The following PPP2R2B variants were observed in gnomAD, a reference collection of about 807,000 sequenced individuals.
PPP2R2B encodes the protein protein phosphatase 2 regulatory subunit Bbeta.
PPP2R2B carries 5 observed loss-of-function variants against 46.0 expected under a neutral mutation model. That is an observed-to-expected ratio of 0.11 (90% CI 0.06 to 0.23). The LOEUF is 0.23. Ranked by LOEUF, PPP2R2B falls within the 10% of genes least tolerant of loss-of-function variation. The probability of loss-of-function intolerance (pLI) is 1.00; values close to 1 mark genes in which losing one functional copy is unlikely to be tolerated. For synonymous variants in PPP2R2B, 215 were observed against 206.7 expected (o/e 1.04, Z -0.34); for missense variants, 367 against 575.0 (o/e 0.64, Z 3.70).
chr5:146,891,608 C>G (rs569270147), intron 1 of PPP2R2B, among the ~76,000 whole-genome samples: 20 of 152,222 alleles, frequency 1.3e-4, no homozygotes, highest in Admixed American at 3.3e-4. Context: ...TATTACCTGC[C>G]TACTATGTGC....
chr5:146,604,812 ACT>A (rs1390408123), intron 7 of PPP2R2B, among the ~76,000 whole-genome samples: 2 of 151,918 alleles, frequency 1.3e-5, no homozygotes, highest in African/African-American at 4.8e-5. Context: ...TGGGCTCTTG[ACT>A]CTGCCCATCT....
chr5:146,779,802 G>A (rs1248664092), intron 2 of PPP2R2B, among the ~76,000 whole-genome samples: 7 of 152,094 alleles, frequency 4.6e-5, no homozygotes, highest in Non-Finnish European at 1.0e-4. Flanking sequence ...TCTGCATAAG[G>A]TAGGGTGTGC....
intron 1 of PPP2R2B, among the ~76,000 whole-genome samples, chr5:146,935,118 G>A (rs914357654): frequency 1.3e-5 from 2 of 152,184 alleles, no homozygotes; most frequent in East Asian, 3.9e-4. Flanking sequence ...ATCTATCTGT[G>A]CCTCTCAAAA....
At chr5:146,658,889 T>G (rs1279895043) in intron 5 of PPP2R2B, among the ~76,000 whole-genome samples, 2 of 152,234 alleles carry the variant, frequency 1.3e-5, no homozygotes, top group Non-Finnish European at 2.9e-5. Flanking sequence ...ATTCATCATT[T>G]GTCAGAATTA....
chr5:146,991,429 C>T (rs972376004), intron 1 of PPP2R2B, among the ~76,000 whole-genome samples: 16 of 151,870 alleles, frequency 1.1e-4, no homozygotes, highest in Non-Finnish European at 1.3e-4. Flanking sequence ...GGATGGGAGG[C>T]GGGAGAGGAG....
chr5:146,750,395 A>G (rs1402586692), intron 2 of PPP2R2B, among the ~76,000 whole-genome samples: 9 of 152,220 alleles, frequency 5.9e-5, no homozygotes, highest in Non-Finnish European at 1.3e-4. Context: ...AAGAATTAAC[A>G]TCTTTGCCTC....
In PPP2R2B at chr5:146,588,332, G is replaced by C. The variant is rs998004965; in HGVS notation, c.*1615C>G. 1 of 152,180 alleles carries C rather than the reference G, an allele frequency of 6.6e-6. No homozygotes were observed. Among genetic ancestry groups the C allele is most frequent in the Admixed American group, 6.5e-5 (1 of 15,280 alleles). The allele number at this position is 152,180 out of a possible 1,614,324, so 9.4% of individuals were successfully genotyped here. On this transcript the variant is annotated 3_prime_UTR_variant, in exon 10 of 10. Coordinates refer to ENST00000394411, the MANE Select transcript of PPP2R2B (RefSeq NM_181675.4). ...CTTGCCAAAAAGCTATTAGTAAATGGATAGTAGCTTAGAATTGAGATAAAA... is the reference window on the plus strand; with the variant it reads ...CTTGCCAAAAAGCTATTAGTAAATGCATAGTAGCTTAGAATTGAGATAAAA...
intron 5 of PPP2R2B, among the ~76,000 whole-genome samples, chr5:146,657,400 A>C (rs1776400941): frequency 6.6e-6 from 1 of 152,148 alleles, no homozygotes; most frequent in African/African-American, 2.4e-5. Context: ...GAAAAGAGAG[A>C]TGTCTGTCTG....
At chr5:146,884,872 G>T (rs1762272789) in intron 1 of PPP2R2B, among the ~76,000 whole-genome samples, 1 of 152,034 alleles carries the variant, frequency 6.6e-6, no homozygotes, top group Admixed American at 6.6e-5. Flanking sequence ...AATAACTATT[G>T]GGAAATGTCT....
upstream of PPP2R2B, among the ~76,000 whole-genome samples, chr5:147,058,103 T>A (rs1237329112): frequency 3.9e-5 from 6 of 152,200 alleles, no homozygotes; most frequent in East Asian, 1.2e-3. Flanking sequence ...CATCTTTATA[T>A]CCCTACTGCC....
At chr5:147,062,709 T>G (rs60563072) in intron 2 of PPP2R2B, among the ~76,000 whole-genome samples, 5,994 of 152,050 alleles carry the variant, frequency 0.039, 174 homozygotes, top group African/African-American at 0.078. Flanking sequence ...AGACTGACAC[T>G]AAGATTTTGT....
At position 146,705,080 on chromosome 5, in the gene PPP2R2B, C is replaced by G. The variant is rs568174053; in HGVS notation, c.71-3938G>C. ...GTCTACAGATGGAATATCTTACTGA[C>G]CAGGTCACTAGCACTGACCTCTCAA... is the stretch of plus-strand genomic sequence containing the variant. On this transcript the variant is annotated intron_variant, in intron 2 of 9. Transcript: ENST00000394411. 1.4e-4 allele frequency among the ~76,000 whole-genome samples: 22 copies of G among 152,250 alleles called. No individual in the cohort carries two copies. The East Asian group carries it at 4.2e-3, about 29-fold the overall frequency.
intron 1 of PPP2R2B, among the ~76,000 whole-genome samples, chr5:146,943,584 T>C (rs1000289565): frequency 3.9e-5 from 6 of 152,230 alleles, no homozygotes; most frequent in Non-Finnish European, 7.3e-5. Context: ...TTGGGCCTTT[T>C]GATTATCAGT....
intron 2 of PPP2R2B, among the ~76,000 whole-genome samples, chr5:146,842,019 A>G (rs1034562686): frequency 6.6e-6 from 1 of 152,172 alleles, no homozygotes; most frequent in Non-Finnish European, 1.5e-5. Flanking sequence ...AGAGGTGAGT[A>G]CTCTGAGACA....
rs374214183 is a variant in PPP2R2B at position 146,741,232 on chromosome 5, C to T, written c.71-40090G>A. Reference sequence around the variant, plus strand: ...AGGAAGGTTCTTGTCTAGCAGGCAACCCCCCTTTCTCCATGTACATATGTG... The same window carrying T: ...AGGAAGGTTCTTGTCTAGCAGGCAATCCCCCTTTCTCCATGTACATATGTG... On this transcript the variant is annotated intron_variant, in intron 2 of 9. Transcript: ENST00000394411. Among the ~76,000 whole-genome samples, 6 of 152,248 alleles carry T rather than the reference C, an allele frequency of 3.9e-5. No individual in the cohort carries two copies. The East Asian group carries it at 5.8e-4, about 15-fold the overall frequency.
At chr5:146,730,290 T>C (rs1294563919) in intron 2 of PPP2R2B, among the ~76,000 whole-genome samples, 2 of 152,206 alleles carry the variant, frequency 1.3e-5, no homozygotes, top group Admixed American at 6.5e-5. Context: ...CCCCATTGTA[T>C]CTAGGAAGTA....
intron 7 of PPP2R2B, among the ~76,000 whole-genome samples, chr5:146,621,894 C>T (rs917130854): frequency 4.6e-5 from 7 of 152,184 alleles, no homozygotes; most frequent in Non-Finnish European, 7.3e-5. Flanking sequence ...CCTCATTTTG[C>T]ACTTGGTTAG....
At chr5:146,785,244 G>A (rs1755763038) in intron 2 of PPP2R2B, among the ~76,000 whole-genome samples, 1 of 152,038 alleles carries the variant, frequency 6.6e-6, no homozygotes, top group African/African-American at 2.4e-5. Flanking sequence ...TGACACAGTG[G>A]GAAGTCAAGA....
rs1770038695 is a variant in PPP2R2B at position 146,584,429 on chromosome 5, T to A, written c.*5518A>T. ...TATTTAGTCACAGAGAAATGGCGTGTTTGTGAGTATCCACGCTAGGGAAAA... is the reference window on the plus strand; with the variant it reads ...TATTTAGTCACAGAGAAATGGCGTGATTGTGAGTATCCACGCTAGGGAAAA... On this transcript the variant is annotated 3_prime_UTR_variant, in exon 10 of 10. Transcript: ENST00000394411. 6.6e-6 allele frequency: 1 copy of A among 152,190 alleles called. No homozygotes were observed. Among genetic ancestry groups the A allele is most frequent in the South Asian group, 2.1e-4 (1 of 4,826 alleles). 9.4% of individuals were successfully genotyped at this position (152,190 alleles called of 1,614,324 possible).
Sources: allele counts gnomAD v4.1 joint callset (sites outside exome capture counted in the v4.1 genomes callset), GRCh38; gene constraint gnomAD v4.1.1; transcripts MANE v1.5; gene names NCBI Gene and HGNC (gene_info 2026-07-23, HGNC 2026-07-21).